Variants in HSD17B4 observed in about 807,000 individuals in gnomAD.
HSD17B4 encodes the protein hydroxysteroid 17-beta dehydrogenase 4.
Under a neutral mutation model 101.0 loss-of-function variants are expected in HSD17B4, and 70 were observed. The ratio of observed to expected loss-of-function variants is 0.69; its 90% CI spans 0.57 to 0.85. HSD17B4 has a LOEUF of 0.85. Among genes scored for constraint, HSD17B4 ranks in the 40% least tolerant of loss-of-function variants. HSD17B4 has a pLI of 0.00. For missense variants in HSD17B4, 984 were observed against 892.4 expected (o/e 1.10, Z -1.31); for synonymous variants, 347 against 297.1 (o/e 1.17, Z -1.73).
At chr5:119,518,555 G>T (rs1752848817) in intron 17 of HSD17B4, among the ~76,000 whole-genome samples, 1 of 152,162 alleles carries the variant, frequency 6.6e-6, no homozygotes, top group Admixed American at 6.5e-5. Context: ...GAGAAGTAAT[G>T]ATGGAGTGTA....
chr5:119,514,902 G>C (rs1752477032), intron 16 of HSD17B4, 79 bp from the exon 17 acceptor site: 2 of 830,174 alleles, frequency 2.4e-6, no homozygotes, highest in South Asian at 2.7e-5. Context: ...AAACATGATT[G>C]TGTATCAAAT....
At chr5:119,477,843 C>G (rs1477422467) in intron 7 of HSD17B4, 1 of 247,390 alleles carries the variant, frequency 4.0e-6, no homozygotes, top group Non-Finnish European at 8.0e-6. Context: ...GCCTTACCTC[C>G]TGGGCTCAAG....
At chr5:119,471,412 A>C (rs1756350524) in intron 2 of HSD17B4, among the ~76,000 whole-genome samples, 1 of 152,170 alleles carries the variant, frequency 6.6e-6, no homozygotes, top group South Asian at 2.1e-4. Context: ...AGTTAAGTGA[A>C]AATATATATG....
In HSD17B4 at chr5:119,531,388, T is replaced by C. The variant is rs146212267; in HGVS notation, c.1977T>C (p.Asn659=). The change falls in exon 22 of 24, where the codon AAT becomes AAC. Residue 659 remains asparagine, a synonymous_variant. Coordinates refer to ENST00000510025, the MANE Select transcript of HSD17B4 (RefSeq NM_000414.4). ...VFEWHITKGG[N]IGAKWTIDLK... is the part of the protein sequence containing the mutation. ...AGTGGCATATAACCAAAGGCGGAAA[T>C]ATTGGGGCTAAGTGGAGTAAGTTAT... The C allele has an allele frequency of 6.8e-6, 11 of 1,613,240 alleles. No homozygotes were observed. The highest frequency in any genetic ancestry group is 1.7e-5 in the Admixed American group (1 of 59,910).
chr5:119,474,390 C>G lies in HSD17B4; in HGVS notation c.221-11C>G. 6.3e-7 allele frequency: 1 copy of G among 1,597,586 alleles called. No individual in the cohort carries two copies. The highest frequency in any genetic ancestry group is 8.6e-7 in the Non-Finnish European group (1 of 1,165,160). ...TTGCCGAAATTTCATACAAATTTTC[C>G]TTTCCCTCAGATTCAGTGGAAGAAG... is the stretch of plus-strand genomic sequence containing the variant. On this transcript the variant is annotated splice_polypyrimidine_tract_variant and intron_variant, in intron 3 of 23. Transcript: ENST00000510025.
intron 15 of HSD17B4, among the ~76,000 whole-genome samples, chr5:119,507,600 G>A (rs1184281865): frequency 2.0e-5 from 3 of 151,796 alleles, no homozygotes; most frequent in African/African-American, 4.8e-5. Context: ...TGGCTAACAC[G>A]GTGAAACCCC....
chr5:119,523,557 G>A (rs745935379), intron 17 of HSD17B4, among the ~76,000 whole-genome samples: 3 of 151,746 alleles, frequency 2.0e-5, no homozygotes, highest in African/African-American at 4.8e-5. Context: ...TTTTGTCTTC[G>A]TTTAACTCTG....
chr5:119,510,864 C>G (rs1302225292), intron 16 of HSD17B4, among the ~76,000 whole-genome samples: 1 of 152,140 alleles, frequency 6.6e-6, no homozygotes, highest in Non-Finnish European at 1.5e-5. Context: ...CTTTTCTTAT[C>G]CTTCCCACTA....
At chr5:119,495,692 A>G (rs1750575467) in intron 11 of HSD17B4, 1 of 178,676 alleles carries the variant, frequency 5.6e-6, no homozygotes, top group Non-Finnish European at 1.2e-5. Flanking sequence ...TATTTTTAAG[A>G]CAGAGTCTTG....
chr5:119,452,626 G>A lies in HSD17B4; in HGVS notation c.51G>A (p.Ala17=), dbSNP rs756529538. The part of the protein sequence containing the change: ...FDGRVVLVTG[A]GAGLGRAYAL... ...GGCGGGTGGTACTGGTCACCGGCGC[G>A]GGGGCAGGTGAGCATGCGAAGGTTG... Residue 17 remains alanine (A), a synonymous_variant, in exon 1 of 24, where the codon GCG becomes GCA. Coordinates refer to ENST00000510025, the MANE Select transcript of HSD17B4 (RefSeq NM_000414.4). The A allele has an allele frequency of 6.2e-7, 1 of 1,613,780 alleles. No individual in the cohort carries two copies. The highest frequency in any genetic ancestry group is 8.5e-7 in the Non-Finnish European group (1 of 1,179,964).
intron 12 of HSD17B4, 59 bp downstream of exon 12, chr5:119,496,705 C>G (rs1055386570): frequency 3.4e-6 from 3 of 891,380 alleles, no homozygotes; most frequent in Non-Finnish European, 5.8e-6. Flanking sequence ...CTCCCTTCTT[C>G]CCTCCCTGCT....
chr5:119,473,022 C>T (rs2126678195), intron 2 of HSD17B4, among the ~76,000 whole-genome samples: 1 of 152,176 alleles, frequency 6.6e-6, no homozygotes, highest in South Asian at 2.1e-4. Flanking sequence ...TATTCATTCA[C>T]CTATCCATGG....
At chr5:119,519,109 G>T (rs1050501728) in intron 17 of HSD17B4, among the ~76,000 whole-genome samples, 5 of 152,198 alleles carry the variant, frequency 3.3e-5, no homozygotes, top group African/African-American at 4.8e-5. Context: ...CTGCACTCCA[G>T]TCTAGGTAAC....
chr5:119,522,020 T>G (rs1001094129), intron 17 of HSD17B4, among the ~76,000 whole-genome samples: 2 of 152,086 alleles, frequency 1.3e-5, no homozygotes, highest in South Asian at 4.1e-4. Flanking sequence ...ATGTGCCATG[T>G]TGGTGTGCTG....
intron 22 of HSD17B4, among the ~76,000 whole-genome samples, chr5:119,533,417 T>C (rs1754284199): frequency 6.6e-6 from 1 of 151,614 alleles, no homozygotes; most frequent in Admixed American, 6.6e-5. Flanking sequence ...ATTAAGGAAA[T>C]AGTAATAATG....
At chr5:119,518,425 G>T (rs1299655768) in intron 17 of HSD17B4, among the ~76,000 whole-genome samples, 1 of 152,180 alleles carries the variant, frequency 6.6e-6, no homozygotes, top group Admixed American at 6.5e-5. Flanking sequence ...CATTCTTGAA[G>T]TCAGTGAGAC....
intron 11 of HSD17B4, among the ~76,000 whole-genome samples, chr5:119,494,346 TTTC>T (rs1165422055): frequency 1.4e-5 from 2 of 146,126 alleles, no homozygotes; most frequent in Non-Finnish European, 3.0e-5. Flanking sequence ...TCTTTCTTTC[TTTC>T]TTTCTTTCTT....
chr5:119,502,234 G>A, intron 14 of HSD17B4, 142 bp downstream of exon 14: 2 of 642,342 alleles, frequency 3.1e-6, no homozygotes, highest in South Asian at 1.9e-5. Context: ...AGCCATTAGA[G>A]TAGACTGATG....
chr5:119,476,563 G>A, intron 6 of HSD17B4: 2 of 985,196 alleles, frequency 2.0e-6, no homozygotes, highest in Non-Finnish European at 2.4e-6. Context: ...ACTGTCTTTT[G>A]GAAGAAGAGT....
Sources: allele counts gnomAD v4.1 joint callset (sites outside exome capture counted in the v4.1 genomes callset), GRCh38; gene constraint gnomAD v4.1.1; transcripts MANE v1.5; gene names NCBI Gene and HGNC (gene_info 2026-07-23, HGNC 2026-07-21).